Variants in PCDHA3 observed in about 807,000 individuals in gnomAD.
PCDHA3 encodes protocadherin alpha 3, also known as protocadherin alpha-3.
A neutral mutation model predicts 62.2 loss-of-function variants in PCDHA3; 41 were observed. The observed-to-expected ratio is 0.66, with a 90% CI of 0.51 to 0.86. PCDHA3 has a LOEUF of 0.86. PCDHA3 is among the 40% of genes least tolerant of loss of function. The pLI, the probability that PCDHA3 is intolerant of heterozygous loss-of-function variation, is 0.00. For synonymous variants in PCDHA3, 640 were observed against 555.4 expected, an observed-to-expected ratio of 1.15 and a Z score of -2.14; for missense variants, 1,304 against 1,241.2, an observed-to-expected ratio of 1.05 and a Z score of -0.76.
At chr5:140,808,873 G>A in intron 1 of PCDHA3, 3 of 1,613,078 alleles carry the variant, frequency 1.9e-6, no homozygotes, top group Non-Finnish European at 2.5e-6. Context: ...ACGACAACGC[G>A]CCAGCACTGC....
rs1368212237 is a variant in PCDHA3 at position 140,829,797 on chromosome 5, G to A, written c.2394+26206G>A. 1.8e-5 allele frequency: 29 copies of A among 1,613,734 alleles called. No individual in the cohort carries two copies. The highest frequency in any genetic ancestry group is 2.4e-5 in the Non-Finnish European group (28 of 1,179,884). Reference sequence around the variant, plus strand: ...AACGCGCCGGCGCTGCTGGCGCCTCGGGTGGGTGGTACTGGTGGTGCAGTG... The same window carrying A: ...AACGCGCCGGCGCTGCTGGCGCCTCAGGTGGGTGGTACTGGTGGTGCAGTG... On this transcript the variant is annotated intron_variant, in intron 1 of 3. Coordinates refer to ENST00000522353, the MANE Select transcript of PCDHA3 (RefSeq NM_018906.3).
intron 3 of PCDHA3, among the ~76,000 whole-genome samples, chr5:141,006,716 C>T (rs904868679): frequency 2.0e-5 from 3 of 151,786 alleles, no homozygotes; most frequent in Non-Finnish European, 2.9e-5. Flanking sequence ...ATTTAGGAGG[C>T]AGAAATGACA....
At chr5:140,849,085 G>A (rs2040774319) in intron 1 of PCDHA3, 2 of 1,513,328 alleles carry the variant, frequency 1.3e-6, no homozygotes, top group South Asian at 2.3e-5. Context: ...CTTGTATTAC[G>A]GAAACTTTTA....
chr5:140,883,151 A>G (rs1317370821), intron 1 of PCDHA3: 1 of 1,613,978 alleles, frequency 6.2e-7, no homozygotes, highest in Non-Finnish European at 8.5e-7. Flanking sequence ...TGCATTTACC[A>G]TAAATCCGAA....
At chr5:140,991,505 G>T (rs2097456335) in intron 3 of PCDHA3, among the ~76,000 whole-genome samples, 1 of 152,180 alleles carries the variant, frequency 6.6e-6, no homozygotes, top group Admixed American at 6.5e-5. Context: ...AGTTTCACTG[G>T]CTAAAATCAA....
At chr5:140,821,582 C>G (rs2150109914) in intron 1 of PCDHA3, 2 of 622,440 alleles carry the variant, frequency 3.2e-6, no homozygotes, top group East Asian at 2.9e-5. Flanking sequence ...AGGTTTTTCT[C>G]CCTTCCCAGC....
At chr5:140,836,946 C>T (rs2150271412) in intron 1 of PCDHA3, 6 of 445,876 alleles carry the variant, frequency 1.3e-5, no homozygotes, top group Admixed American at 4.0e-5. Flanking sequence ...AGATCAAAAT[C>T]TATGGTTTAT....
intron 1 of PCDHA3, among the ~76,000 whole-genome samples, chr5:140,886,844 AAAAG>A (rs1232979230): frequency 6.0e-5 from 9 of 150,634 alleles, no homozygotes; most frequent in Non-Finnish European, 8.9e-5. Flanking sequence ...AAAAAAAAAA[AAAAG>A]AAAGGTCTTC....
intron 1 of PCDHA3, chr5:140,882,118 T>G: frequency 1.4e-6 from 2 of 1,431,994 alleles, no homozygotes; most frequent in Non-Finnish European, 9.4e-7. Context: ...AAGCCGCCGT[T>G]TCTTTCTTCC....
At chr5:140,858,165 C>G in intron 1 of PCDHA3, 1 of 1,597,786 alleles carries the variant, frequency 6.3e-7, no homozygotes, top group Non-Finnish European at 8.6e-7. Flanking sequence ...TGCGCGGTGT[C>G]CAGCTTGCTG....
Position 140,869,285 on chromosome 5 carries a change from A to C in PCDHA3, c.2394+65694A>C, listed in dbSNP as rs201493000. The stretch of plus-strand genomic sequence containing the variant: ...GGGCTGGAGCTGGCGGAGCTGGTGC[A>C]GCGCCTGTTCCGGGTGGCGTCCAAA... On this transcript the variant is annotated intron_variant, in intron 1 of 3. Transcript: ENST00000522353. The C allele has an allele frequency of 2.9e-3, 4,695 of 1,613,540 alleles. 19 individuals carry two copies. Among genetic ancestry groups the C allele is most frequent in the African/African-American group, 9.9e-3 (743 of 75,038 alleles).
chr5:140,816,502 T>G (rs1390096829), intron 1 of PCDHA3: 1 of 116,200 alleles, frequency 8.6e-6, no homozygotes, highest in African/African-American at 3.4e-5. Flanking sequence ...TTTCTGGAGG[T>G]GTGTTTGTGT....
intron 1 of PCDHA3, chr5:140,830,163 C>CCA: frequency 6.2e-7 from 1 of 1,613,430 alleles, no homozygotes; most frequent in African/African-American, 1.3e-5. Context: ...GGCCCAGAGG[C>CCA]GGCGCTGGTG....
chr5:140,882,698 G>A (rs562320262), intron 1 of PCDHA3: 18 of 1,614,200 alleles, frequency 1.1e-5, no homozygotes, highest in Middle Eastern at 1.6e-4. Context: ...AATCATTGCA[G>A]AATCTAGACC....
intron 1 of PCDHA3, among the ~76,000 whole-genome samples, chr5:140,911,947 G>A (rs559007219): frequency 1.4e-4 from 22 of 152,262 alleles, no homozygotes; most frequent in Non-Finnish European, 2.5e-4. Context: ...TATATATAAA[G>A]GGGAGGTTAC....
chr5:140,841,310 C>A (rs2150313272), intron 1 of PCDHA3: 14 of 1,550,808 alleles, frequency 9.0e-6, no homozygotes, highest in Non-Finnish European at 1.2e-5. Flanking sequence ...TGATAGGAAA[C>A]GACTATTTAA....
intron 1 of PCDHA3, chr5:140,881,915 C>G (rs1431128063): frequency 1.7e-5 from 4 of 240,684 alleles, no homozygotes; most frequent in African/African-American, 8.9e-5. Flanking sequence ...AAATGTTGAG[C>G]AGAATGCAGT....
intron 3 of PCDHA3, among the ~76,000 whole-genome samples, chr5:140,999,478 T>C (rs2097859281): frequency 6.6e-6 from 1 of 152,172 alleles, no homozygotes; most frequent in Non-Finnish European, 1.5e-5. Flanking sequence ...AGATTCCAAC[T>C]CAAGTCTATG....
At chr5:140,945,142 A>G (rs2093746990) in intron 1 of PCDHA3, among the ~76,000 whole-genome samples, 1 of 152,184 alleles carries the variant, frequency 6.6e-6, no homozygotes. Context: ...AATCAATAGC[A>G]TTTCTATACA....
Sources: gnomAD v4.1 joint callset for allele counts (sites outside exome capture counted in the v4.1 genomes callset) on GRCh38, gnomAD v4.1.1 for gene constraint, MANE v1.5 for transcripts, NCBI Gene and HGNC (gene_info 2026-07-23, HGNC 2026-07-21) for gene names.